Variants in DGKG observed in about 807,000 individuals in gnomAD.
DGKG encodes DAG kinase gamma.
DGKG carries 78 observed loss-of-function variants against 105.3 expected under a neutral mutation model. That is an observed-to-expected ratio of 0.74 (90% CI 0.62 to 0.89). The LOEUF (loss-of-function observed/expected upper bound fraction) is 0.89. Among genes scored for constraint, DGKG ranks in the 40% least tolerant of loss-of-function variants. The pLI, the probability that DGKG is intolerant of heterozygous loss-of-function variation, is 0.00. For synonymous variants in DGKG, 346 were observed against 367.1 expected (o/e 0.94, Z 0.66); for missense variants, 958 against 1,020.1 (o/e 0.94, Z 0.83).
chr3:186,251,613 A>G, intron 19 of DGKG, 146 bp downstream of exon 19: 2 of 821,378 alleles, frequency 2.4e-6, no homozygotes, highest in East Asian at 5.3e-5. Flanking sequence ...CACTCAGGCC[A>G]AGTTTCAGAA....
At position 186,253,813 on chromosome 3, in the gene DGKG, G is replaced by T. The variant is rs181634657; in HGVS notation, c.1511-631C>A. Among the ~76,000 whole-genome samples, 583 of 152,294 alleles carry T rather than the reference G, an allele frequency of 3.8e-3. 1 individual carries two copies. The highest frequency in any genetic ancestry group is 6.8e-3 in the Middle Eastern group (2 of 294). On this transcript the variant is annotated intron_variant, in intron 17 of 24. Coordinates refer to ENST00000265022, the MANE Select transcript of DGKG (RefSeq NM_001346.3). ...TATACAGATTAGTAAAACAGGTGGG[G>T]CTAGGACACTAGGGAATAGTGGGAC...
chr3:186,257,208 G>T (rs1721522303), intron 17 of DGKG, among the ~76,000 whole-genome samples: 1 of 152,220 alleles, frequency 6.6e-6, no homozygotes, highest in Non-Finnish European at 1.5e-5. Flanking sequence ...GTTTGTCTGG[G>T]TTCTGTAGGG....
At chr3:186,228,789 G>T (rs1719982128) in intron 20 of DGKG, among the ~76,000 whole-genome samples, 1 of 152,114 alleles carries the variant, frequency 6.6e-6, no homozygotes, top group African/African-American at 2.4e-5. Context: ...CACCCTCATT[G>T]TTCACGTCCC....
chr3:186,254,278 A>G (rs1395481315), intron 17 of DGKG, among the ~76,000 whole-genome samples: 1 of 152,174 alleles, frequency 6.6e-6, no homozygotes, highest in Non-Finnish European at 1.5e-5. Flanking sequence ...TGTCCTGGCA[A>G]ACTGGGAGCT....
At chr3:186,307,345 T>C (rs1384088803) in intron 2 of DGKG, among the ~76,000 whole-genome samples, 1 of 152,240 alleles carries the variant, frequency 6.6e-6, no homozygotes, top group Non-Finnish European at 1.5e-5. Context: ...CCCTATTTAC[T>C]CTACGTTTCA....
intron 1 of DGKG, among the ~76,000 whole-genome samples, chr3:186,339,807 C>T (rs1234683981): frequency 2.6e-5 from 4 of 152,228 alleles, no homozygotes; most frequent in Admixed American, 2.6e-4. Context: ...TGCCAGGAAA[C>T]AGAAAAGAGT....
chr3:186,330,722 G>A (rs548616105), intron 1 of DGKG, among the ~76,000 whole-genome samples: 5 of 152,196 alleles, frequency 3.3e-5, no homozygotes, highest in Admixed American at 1.3e-4. Flanking sequence ...ATTCCAGCCA[G>A]CACCCAGTCA....
intron 1 of DGKG, among the ~76,000 whole-genome samples, chr3:186,322,368 TGAAC>T (rs1725120608): frequency 2.6e-5 from 4 of 152,130 alleles, no homozygotes; most frequent in African/African-American, 9.7e-5. Flanking sequence ...AAGTGAGAGC[TGAAC>T]ACTGAGAACA....
At chr3:186,169,769 C>G (rs2108484763) in intron 22 of DGKG, among the ~76,000 whole-genome samples, 1 of 152,326 alleles carries the variant, frequency 6.6e-6, no homozygotes, top group East Asian at 1.9e-4. Context: ...TTAGATGCTC[C>G]TCCTCAAACC....
At chr3:186,195,635 C>T (rs936358901) in intron 21 of DGKG, among the ~76,000 whole-genome samples, 7 of 152,076 alleles carry the variant, frequency 4.6e-5, no homozygotes, top group East Asian at 1.9e-4. Flanking sequence ...GGGTGCGGCC[C>T]GAGACTGCAT....
chr3:186,210,492 G>T lies in DGKG; in HGVS notation c.1917+1303C>A, dbSNP rs1320327026. Among the ~76,000 whole-genome samples, 2 of 152,218 alleles carry T rather than the reference G, an allele frequency of 1.3e-5. No individual in the cohort carries two copies. The highest frequency in any genetic ancestry group is 6.5e-5 in the Admixed American group (1 of 15,292). On this transcript the variant is annotated intron_variant, in intron 21 of 24. Coordinates refer to ENST00000265022, the MANE Select transcript of DGKG (RefSeq NM_001346.3). The surrounding 1 kb of genome is among the most constrained non-coding windows in gnomAD (Gnocchi z 5.2). ...TACCAAGCTGGCCAAAAGTTCAGGG[G>T]ATTAGCCAGATCGGCGCCTCCCACC...
At chr3:186,207,116 C>T (rs1718784424) in intron 21 of DGKG, among the ~76,000 whole-genome samples, 1 of 152,220 alleles carries the variant, frequency 6.6e-6, no homozygotes, top group Admixed American at 6.5e-5. Context: ...GTACAGCACT[C>T]ACGTTCACAG....
chr3:186,273,499 C>T (rs1313089487), intron 10 of DGKG, among the ~76,000 whole-genome samples: 2 of 151,460 alleles, frequency 1.3e-5, no homozygotes, highest in African/African-American at 2.4e-5. Flanking sequence ...CTCAGCCTCC[C>T]GAGTAGCTGG....
chr3:186,298,125 G>A lies in DGKG; in HGVS notation c.249C>T (p.Pro83=). ...TCGGGTGGTCAGAGGTCTCGTGTCT[G>A]GGCTTCTGGCTGAAGGCCAGGAAGA... ...THLFLAFSQK[P]RHETSDHPTE... The change falls in exon 4 of 25, where the codon CCC becomes CCT. Residue 83 remains proline (P), a synonymous_variant. Transcript: ENST00000265022. The A allele has an allele frequency of 6.2e-7, 1 of 1,614,142 alleles. No individual in the cohort carries two copies. Among genetic ancestry groups the A allele is most frequent in the Admixed American group, 1.7e-5 (1 of 60,010 alleles).
chr3:186,294,760 T>C (rs896602409), intron 5 of DGKG, among the ~76,000 whole-genome samples: 1 of 151,980 alleles, frequency 6.6e-6, no homozygotes, highest in Non-Finnish European at 1.5e-5. Context: ...CTCTAGTCCA[T>C]AGAAGATATA....
intron 3 of DGKG, among the ~76,000 whole-genome samples, chr3:186,302,538 G>GTA (rs769000961): frequency 0.059 from 2,063 of 35,040 alleles, 53 homozygotes; most frequent in Non-Finnish European, 0.074. Context: ...ATATACATAT[G>GTA]TATATATATA....
chr3:186,280,231 G>A (rs938432095), intron 8 of DGKG, among the ~76,000 whole-genome samples: 2 of 152,158 alleles, frequency 1.3e-5, no homozygotes, highest in South Asian at 4.1e-4. Flanking sequence ...TAATATTGTT[G>A]TGTTTGTGGC....
At chr3:186,318,764 A>G (rs1469936884) in intron 2 of DGKG, among the ~76,000 whole-genome samples, 2 of 152,086 alleles carry the variant, frequency 1.3e-5, no homozygotes, top group African/African-American at 2.4e-5. Flanking sequence ...AGCGCCGCTG[A>G]CTCCTTGATT....
intron 19 of DGKG, among the ~76,000 whole-genome samples, chr3:186,245,836 C>T (rs1280701243): frequency 6.6e-6 from 1 of 151,506 alleles, no homozygotes; most frequent in African/African-American, 2.4e-5. Flanking sequence ...AATAGAAATA[C>T]AGAGTAAGCT....
Sources: allele counts gnomAD v4.1 joint callset (sites outside exome capture counted in the v4.1 genomes callset), GRCh38; gene constraint gnomAD v4.1.1; non-coding constraint Gnocchi (gnomAD v3.1); transcripts MANE v1.5; gene names NCBI Gene and HGNC (gene_info 2026-07-23, HGNC 2026-07-21).